Variants in HS1BP3 observed in about 807,000 individuals in gnomAD.
HS1BP3 encodes the protein HCLS1 binding protein 3.
Under a neutral mutation model 33.5 loss-of-function variants are expected in HS1BP3, and 32 were observed. That is an observed-to-expected ratio of 0.95 (90% CI 0.72 to 1.28). HS1BP3 has a LOEUF of 1.28. HS1BP3 is among the 50% of genes most tolerant of loss of function. The probability of loss-of-function intolerance (pLI) is 0.00; values close to 1 mark genes in which losing one functional copy is unlikely to be tolerated. For missense variants in HS1BP3, 486 were observed against 502.3 expected (o/e 0.97, Z 0.31); for synonymous variants, 187 against 209.2 (o/e 0.89, Z 0.92).
intron 3 of HS1BP3, among the ~76,000 whole-genome samples, chr2:20,595,732 A>C (rs1484110870): frequency 6.6e-6 from 1 of 152,220 alleles, no homozygotes; most frequent in Non-Finnish European, 1.5e-5. Context: ...CTCAAAGCCA[A>C]GGAAGCCGCT....
chr2:20,612,319 T>C (rs1193922700), intron 2 of HS1BP3, among the ~76,000 whole-genome samples: 1 of 152,240 alleles, frequency 6.6e-6, no homozygotes, highest in African/African-American at 2.4e-5. Context: ...AACAGTTTTA[T>C]TGAGATATAA....
intron 1 of HS1BP3, among the ~76,000 whole-genome samples, chr2:20,650,137 T>C (rs796618128): frequency 2.2e-4 from 34 of 152,334 alleles, no homozygotes; most frequent in African/African-American, 7.9e-4. Context: ...AAAGGAATCA[T>C]ACCTTTCTAG....
intron 3 of HS1BP3, among the ~76,000 whole-genome samples, chr2:20,595,608 C>T (rs148050987): frequency 6.6e-6 from 1 of 152,246 alleles, no homozygotes; most frequent in Non-Finnish European, 1.5e-5. Context: ...GGGACTGCAG[C>T]CTGCTCTGTG....
At chr2:20,584,009 G>A (rs1013867663) in intron 5 of HS1BP3, among the ~76,000 whole-genome samples, 1 of 152,210 alleles carries the variant, frequency 6.6e-6, no homozygotes, top group Non-Finnish European at 1.5e-5. Context: ...CATAATTAGT[G>A]TTTTGACCCT....
rs761614091 is a variant in HS1BP3, at chr2:20,624,714, C to G, written c.784+18G>C. ...GCACCGAGAGGACACCAGGAGCAGA[C>G]CATGGGGCTCTACTTACGGTCCACG... On this transcript the variant is annotated intron_variant, in intron 5 of 6. Transcript: ENST00000304031. 8.9e-6 allele frequency: 14 copies of G among 1,575,058 alleles called. No individual in the cohort carries two copies. Among genetic ancestry groups the G allele is most frequent in the Non-Finnish European group, 1.1e-5 (13 of 1,159,340 alleles).
At chr2:20,592,027 G>A (rs746511031), downstream of HS1BP3, among the ~76,000 whole-genome samples, 1 of 152,166 alleles carries the variant, frequency 6.6e-6, no homozygotes. Flanking sequence ...AGGCCAGAAA[G>A]CTGGCCCTGG....
At chr2:20,607,869 C>T (rs1694232112) in intron 2 of HS1BP3, among the ~76,000 whole-genome samples, 1 of 152,216 alleles carries the variant, frequency 6.6e-6, no homozygotes, top group Non-Finnish European at 1.5e-5. Flanking sequence ...AATATCAAGT[C>T]TTCTAATCAA....
chr2:20,581,003 G>C (rs1693520830), intron 5 of HS1BP3, among the ~76,000 whole-genome samples: 1 of 152,230 alleles, frequency 6.6e-6, no homozygotes, highest in Non-Finnish European at 1.5e-5. Context: ...ATGCCAGCTT[G>C]TCAGGCATGC....
chr2:20,645,436 C>A lies in HS1BP3; in HGVS notation c.102G>T (p.Met34Ile), dbSNP rs368333954. ...VPQHQEVRGKMMSGHVEYQIL... is the reference protein window; with the variant it reads ...VPQHQEVRGKIMSGHVEYQIL... ...TCTGGTACTCCACGTGTCCAGACAT[C>A]ATCTTGCCCCGTACCTCCTGGTGCT... Residue 34 changes from methionine (M) to isoleucine (I), a missense_variant, in exon 2 of 7, where the codon ATG becomes ATT. By Grantham distance (10) the Met-to-Ile change is conservative. Coordinates refer to ENST00000304031, the MANE Select transcript of HS1BP3 (RefSeq NM_022460.4). 20 of 1,614,082 alleles carry A rather than the reference C, an allele frequency of 1.2e-5. No individual in the cohort carries two copies. In the African/African-American group the frequency reaches 2.0e-4, roughly 16 times the overall value.
chr2:20,582,051 A>T (rs1036677515), intron 5 of HS1BP3, among the ~76,000 whole-genome samples: 2 of 152,228 alleles, frequency 1.3e-5, no homozygotes, highest in African/African-American at 4.8e-5. Flanking sequence ...CTGAAAGTCA[A>T]CTGATTTGGG....
At chr2:20,624,415 T>C (rs1156469639) in intron 5 of HS1BP3, among the ~76,000 whole-genome samples, 2 of 151,728 alleles carry the variant, frequency 1.3e-5, no homozygotes, top group Admixed American at 1.3e-4. Context: ...GGCCGCTCGG[T>C]TTTCCCTCTG....
downstream of HS1BP3, among the ~76,000 whole-genome samples, chr2:20,558,677 C>A (rs1276491502): frequency 6.6e-6 from 1 of 152,182 alleles, no homozygotes; most frequent in Admixed American, 6.5e-5. Context: ...CAGGGCCCAG[C>A]GGCACAGGGG....
intron 2 of HS1BP3, among the ~76,000 whole-genome samples, chr2:20,643,838 CAGG>C (rs919776663): frequency 2.0e-4 from 31 of 152,150 alleles, no homozygotes; most frequent in African/African-American, 6.8e-4. Context: ...GAGGCTGAGG[CAGG>C]AGGATTGCTT....
intron 5 of HS1BP3, among the ~76,000 whole-genome samples, chr2:20,572,377 C>T (rs1435848018): frequency 5.9e-5 from 9 of 152,228 alleles, no homozygotes; most frequent in East Asian, 3.9e-4. Context: ...CTCAGGTCTT[C>T]GTGTAGCCCC....
chr2:20,645,652 C>T (rs1476570463), intron 1 of HS1BP3, 147 bp from the exon 2 acceptor site: 9 of 769,706 alleles, frequency 1.2e-5, no homozygotes, highest in South Asian at 1.9e-5. Flanking sequence ...CTCCAGGCCA[C>T]CCATCCCGCC....
downstream of HS1BP3, among the ~76,000 whole-genome samples, chr2:20,587,995 C>A (rs536980547): frequency 6.6e-6 from 1 of 152,050 alleles, no homozygotes; most frequent in African/African-American, 2.4e-5. Flanking sequence ...CTTATCCCCA[C>A]CCCAGGACAT....
intron 5 of HS1BP3, among the ~76,000 whole-genome samples, chr2:20,584,181 T>G (rs1693626810): frequency 1.3e-5 from 2 of 152,026 alleles, no homozygotes; most frequent in South Asian, 4.1e-4. Flanking sequence ...TAACATGGAG[T>G]TGCACCCTTC....
At chr2:20,643,262 A>G (rs563605608) in intron 2 of HS1BP3, among the ~76,000 whole-genome samples, 1 of 152,288 alleles carries the variant, frequency 6.6e-6, no homozygotes, top group South Asian at 2.1e-4. Flanking sequence ...GGAGGTGTTA[A>G]AACACCCTCA....
chr2:20,625,008 G>T, intron 4 of HS1BP3, 116 bp from the exon 5 acceptor site: 1 of 1,251,290 alleles, frequency 8.0e-7, no homozygotes, highest in Middle Eastern at 2.5e-4. Flanking sequence ...CCATGGGCCA[G>T]AAAAGACCAG....
Sources: gnomAD v4.1 joint callset for allele counts (sites outside exome capture counted in the v4.1 genomes callset) on GRCh38, gnomAD v4.1.1 for gene constraint, MANE v1.5 for transcripts, NCBI Gene and HGNC (gene_info 2026-07-23, HGNC 2026-07-21) for gene names.